The following OLFM3 variants were observed in gnomAD, a reference collection of about 807,000 sequenced individuals.
OLFM3 encodes noelin-3.
A neutral mutation model predicts 48.6 loss-of-function variants in OLFM3; 20 were observed. The observed-to-expected ratio is 0.41, with a 90% CI of 0.29 to 0.60. The LOEUF is 0.60. OLFM3 is among the 20% of genes least tolerant of loss of function. OLFM3 has a pLI of 0.28. For missense variants in OLFM3, 437 were observed against 544.3 expected, an observed-to-expected ratio of 0.80 and a Z score of 1.96; for synonymous variants, 222 against 198.1, an observed-to-expected ratio of 1.12 and a Z score of -1.01.
chr1:101,803,538 A>G lies in OLFM3; in HGVS notation c.*700T>C, dbSNP rs1653596486. 1 of 152,302 alleles carries G rather than the reference A, an allele frequency of 6.6e-6. No homozygotes were observed. The highest frequency in any genetic ancestry group is 2.4e-5 in the African/African-American group (1 of 41,500). The allele number at this position is 152,302 out of a possible 1,614,324, so 9.4% of individuals were successfully genotyped here. A position where few individuals can be genotyped will look rare whatever the true frequency, so the allele number is the denominator to read the frequency against. On this transcript the variant is annotated 3_prime_UTR_variant, in exon 6 of 6. Coordinates refer to ENST00000370103, the MANE Select transcript of OLFM3 (RefSeq NM_058170.4). ...TTATGTAAAGGGGTAAGCCAAGAAG[A>G]TTATTCTTGACCACACTTGAAAATG...
At chr1:101,932,610 A>G (rs1032910617) in intron 1 of OLFM3, among the ~76,000 whole-genome samples, 10 of 152,220 alleles carry the variant, frequency 6.6e-5, no homozygotes, top group Non-Finnish European at 1.5e-4. Flanking sequence ...ACGGCATGAC[A>G]GAAGATAAAA....
rs140769562 is a variant in OLFM3 at position 101,856,148 on chromosome 1, A to G, written c.70-19123T>C. 4.9e-3 allele frequency among the ~76,000 whole-genome samples: 741 copies of G among 152,018 alleles called. 14 individuals are homozygous for G. The highest frequency in any genetic ancestry group is 0.017 in the African/African-American group (710 of 41,428). On this transcript the variant is annotated intron_variant, in intron 1 of 5. Transcript: ENST00000370103. ...GTTTGTCATCATTGTCCTCTCATCAATATGTGTAGTAAAGGTTATTTTGTG... is the reference window on the plus strand; with the variant it reads ...GTTTGTCATCATTGTCCTCTCATCAGTATGTGTAGTAAAGGTTATTTTGTG...
chr1:101,904,228 G>C (rs939973162), intron 1 of OLFM3, among the ~76,000 whole-genome samples: 3 of 152,060 alleles, frequency 2.0e-5, no homozygotes, highest in Non-Finnish European at 2.9e-5. Flanking sequence ...AATGGAAGAA[G>C]TTAAAAGAAA....
chr1:101,898,301 T>C (rs1347255617), intron 1 of OLFM3, among the ~76,000 whole-genome samples: 1 of 152,202 alleles, frequency 6.6e-6, no homozygotes, highest in Non-Finnish European at 1.5e-5. Flanking sequence ...TGTGGTTATG[T>C]AGTAAGGTTG....
intron 5 of OLFM3, among the ~76,000 whole-genome samples, chr1:101,805,875 A>G (rs1337003339): frequency 6.6e-6 from 1 of 151,792 alleles, no homozygotes; most frequent in Non-Finnish European, 1.5e-5. Context: ...AAAGTGATGA[A>G]TTGGAAGATG....
chr1:101,872,746 A>C (rs1188343509), intron 1 of OLFM3, among the ~76,000 whole-genome samples: 1 of 151,928 alleles, frequency 6.6e-6, no homozygotes, highest in Non-Finnish European at 1.5e-5. Context: ...TTTTGCATCT[A>C]ATTACTATAT....
intron 1 of OLFM3, among the ~76,000 whole-genome samples, chr1:101,921,471 A>T (rs1336316067): frequency 6.6e-6 from 1 of 152,154 alleles, no homozygotes; most frequent in East Asian, 1.9e-4. Context: ...TTCAGTCGGG[A>T]GGTATAGTTA....
intron 1 of OLFM3, among the ~76,000 whole-genome samples, chr1:101,978,409 A>T (rs976518485): frequency 6.6e-6 from 1 of 152,160 alleles, no homozygotes; most frequent in African/African-American, 2.4e-5. Flanking sequence ...ATAATTTTAA[A>T]TTGTTATGTT....
chr1:101,880,293 G>A (rs148960015), intron 1 of OLFM3, among the ~76,000 whole-genome samples: 2,994 of 151,818 alleles, frequency 0.02, 108 homozygotes, highest in African/African-American at 0.068. Context: ...TTCTAGAGTA[G>A]TTTTGAATGG....
At chr1:101,915,978 G>A (rs1195661000) in intron 1 of OLFM3, among the ~76,000 whole-genome samples, 4 of 152,038 alleles carry the variant, frequency 2.6e-5, no homozygotes, top group African/African-American at 9.7e-5. Context: ...AGGTAAAAAG[G>A]ACTAGTATTA....
intron 1 of OLFM3, among the ~76,000 whole-genome samples, chr1:101,946,449 G>A (rs1396561966): frequency 6.6e-6 from 1 of 152,064 alleles, no homozygotes; most frequent in African/African-American, 2.4e-5. Context: ...AAATAAACAG[G>A]CAAGCAAGTA....
At chr1:101,864,710 A>G (rs1370320723) in intron 1 of OLFM3, among the ~76,000 whole-genome samples, 1 of 152,124 alleles carries the variant, frequency 6.6e-6, no homozygotes, top group Non-Finnish European at 1.5e-5. Flanking sequence ...AGATCAAGAG[A>G]CAGTGTGGTT....
intron 1 of OLFM3, chr1:101,846,902 T>A: frequency 1.2e-6 from 2 of 1,612,714 alleles, no homozygotes; most frequent in South Asian, 2.2e-5. Context: ...ATGGGAGAGT[T>A]TGGGACATCC....
intron 1 of OLFM3, among the ~76,000 whole-genome samples, chr1:101,971,193 G>A (rs139195795): frequency 2.0e-5 from 3 of 152,304 alleles, no homozygotes; most frequent in Non-Finnish European, 4.4e-5. Flanking sequence ...TTCTGGTCTG[G>A]TGAGAGATGA....
intron 1 of OLFM3, among the ~76,000 whole-genome samples, chr1:101,960,138 A>G (rs1570668381): frequency 6.6e-6 from 1 of 152,288 alleles, no homozygotes; most frequent in South Asian, 2.1e-4. Flanking sequence ...GTAATTGTGT[A>G]CCAAAAGCAC....
chr1:101,901,638 G>A (rs527679394), intron 1 of OLFM3, among the ~76,000 whole-genome samples: 1 of 152,138 alleles, frequency 6.6e-6, no homozygotes, highest in African/African-American at 2.4e-5. Context: ...ATAAGAGCCT[G>A]AACTAGAATA....
Position 101,830,686 on chromosome 1 carries a change from T to A in OLFM3, c.358A>T (p.Thr120Ser). Reference sequence around the variant, plus strand: ...GTCAAACCTACCTGAAAATGCTTGGTCATAAGTGTCTTTCGATCATCTTCA... The same window carrying A: ...GTCAAACCTACCTGAAAATGCTTGGACATAAGTGTCTTTCGATCATCTTCA... ...QIEDDRKTLM[T>S]KHFQELKEKM... is the part of the protein sequence containing the mutation. The change falls in exon 3 of 6, where the codon ACC becomes TCC. Residue 120 changes from threonine to serine, a missense_variant. Physicochemically the swap from Thr to Ser is moderately conservative, Grantham distance 58. Around this residue, in one of 3 missense-constraint regions of OLFM3, gnomAD observed 314 missense variants for 365.5 expected, o/e 0.86. Coordinates refer to ENST00000370103, the MANE Select transcript of OLFM3 (RefSeq NM_058170.4). 6.2e-7 allele frequency: 1 copy of A among 1,614,190 alleles called. No individual in the cohort carries two copies. Among genetic ancestry groups the A allele is most frequent in the Non-Finnish European group, 8.5e-7 (1 of 1,180,026 alleles).
At chr1:101,941,450 G>T (rs974205959) in intron 1 of OLFM3, among the ~76,000 whole-genome samples, 2 of 152,078 alleles carry the variant, frequency 1.3e-5, no homozygotes, top group African/African-American at 4.8e-5. Context: ...GTAGAACTGA[G>T]AGATTATAGT....
At chr1:101,961,338 T>C (rs1660461217) in intron 1 of OLFM3, among the ~76,000 whole-genome samples, 1 of 152,102 alleles carries the variant, frequency 6.6e-6, no homozygotes, top group African/African-American at 2.4e-5. Context: ...TTGTAAATTA[T>C]AGTAACATAT....
Sources: allele counts gnomAD v4.1 joint callset (sites outside exome capture counted in the v4.1 genomes callset), GRCh38; gene constraint gnomAD v4.1.1; regional missense constraint gnomAD v4.1.1; transcripts MANE v1.5; gene names NCBI Gene and HGNC (gene_info 2026-07-23, HGNC 2026-07-21).